PLA2G5: variants seen among roughly 807,000 people sequenced by gnomAD.
PLA2G5 encodes phospholipase A2 group V.
Under a neutral mutation model 15.9 loss-of-function variants are expected in PLA2G5, and 12 were observed. The observed-to-expected ratio is 0.76, with a 90% CI of 0.48 to 1.23. PLA2G5 has a LOEUF of 1.23. Among genes scored for constraint, PLA2G5 ranks in the 50% most tolerant of loss-of-function variants. PLA2G5 has a pLI of 0.00. For synonymous variants in PLA2G5, 71 were observed against 71.4 expected (o/e 0.99, Z 0.03); for missense variants, 169 against 177.1 (o/e 0.95, Z 0.26).
At chr1:20,032,628 GC>G (rs2100273870) in intron 1 of PLA2G5, among the ~76,000 whole-genome samples, 1 of 151,964 alleles carries the variant, frequency 6.6e-6, no homozygotes, top group South Asian at 2.1e-4. Flanking sequence ...ATAAGAGTTG[GC>G]ATAGGGGGCG....
intron 3 of PLA2G5, among the ~76,000 whole-genome samples, 158 bp from the exon 4 acceptor site, chr1:20,089,631 C>G (rs567523276): frequency 6.6e-6 from 1 of 152,156 alleles, no homozygotes; most frequent in Non-Finnish European, 1.5e-5. Flanking sequence ...AAATGAGGAG[C>G]AGGAAATTAC....
upstream of PLA2G5, chr1:20,069,163 G>A (rs150849422): frequency 1.2e-3 from 491 of 401,336 alleles, 2 homozygotes; most frequent in African/African-American, 8.6e-3. Flanking sequence ...CTATGGTGCC[G>A]CTAGGAATGT....
In PLA2G5 at chr1:20,031,444, C is replaced by T. The variant is rs986206432; in HGVS notation, n.276+2735C>T. On this transcript the variant is annotated intron_variant and non_coding_transcript_variant, in intron 1 of 6. Coordinates refer to the PLA2G5 transcript ENST00000460175. Reference sequence around the variant, plus strand: ...AGTGGGAGAGAAATTTTGGAAGATACCCTGCAGCCATAGCTCCTGGATTAG... The same window carrying T: ...AGTGGGAGAGAAATTTTGGAAGATATCCTGCAGCCATAGCTCCTGGATTAG... Among the ~76,000 whole-genome samples the T allele has an allele frequency of 5.3e-5, 8 of 152,074 alleles. No homozygotes were observed. The South Asian group carries it at 1.7e-3, about 32-fold the overall frequency.
chr1:20,046,629 T>C (rs550671931), intron 1 of PLA2G5, among the ~76,000 whole-genome samples: 1 of 152,306 alleles, frequency 6.6e-6, no homozygotes, highest in African/African-American at 2.4e-5. Flanking sequence ...TCGAGAGTCA[T>C]GGGCAGATTC....
rs375192388 is a variant in PLA2G5, at chr1:20,049,002, G to A, written n.277-10630G>A. ...TTAAAAATGTTGAACAATTTTTGTC[G>A]AATTCAAAGCTTATTTAAAGGTTAT... On this transcript the variant is annotated intron_variant and non_coding_transcript_variant, in intron 1 of 6. Transcript: ENST00000460175. 3.4e-4 allele frequency among the ~76,000 whole-genome samples: 51 copies of A among 151,988 alleles called. 2 individuals carry two copies. The South Asian group carries it at 6.2e-3, about 19-fold the overall frequency.
chr1:20,067,988 A>G (rs188518976), upstream of PLA2G5, among the ~76,000 whole-genome samples: 2 of 152,036 alleles, frequency 1.3e-5, no homozygotes, highest in East Asian at 3.9e-4. Flanking sequence ...GCATGGTGAC[A>G]GGCCCCCGTA....
At chr1:20,060,770 T>G (rs1298755433) in intron 2 of PLA2G5, among the ~76,000 whole-genome samples, 1 of 151,228 alleles carries the variant, frequency 6.6e-6, no homozygotes, top group East Asian at 2.0e-4. Flanking sequence ...GTTTTGGTCT[T>G]GTTGCCCAGG....
At chr1:20,069,831 A>G (rs2015252673), upstream of PLA2G5, among the ~76,000 whole-genome samples, 1 of 152,202 alleles carries the variant, frequency 6.6e-6, no homozygotes, top group African/African-American at 2.4e-5. Flanking sequence ...AATTGGATAT[A>G]AAAACCATTA....
At chr1:20,056,353 C>G (rs1315387218) in intron 1 of PLA2G5, among the ~76,000 whole-genome samples, 1 of 151,896 alleles carries the variant, frequency 6.6e-6, no homozygotes, top group Non-Finnish European at 1.5e-5. Context: ...CCCCCCTATC[C>G]TAGGCTCAGT....
In PLA2G5 at chr1:20,086,221, C is replaced by T. The variant is rs986005800; in HGVS notation, c.179C>T (p.Thr60Ile). 6.2e-7 allele frequency: 1 copy of T among 1,614,082 alleles called. No homozygotes were observed. Among genetic ancestry groups the T allele is most frequent in the African/African-American group, 1.3e-5 (1 of 75,038 alleles). ...GGCCGAGGAACCCCCAAGGATGGCACCGATTGGTGAGCTGATCGCTATAAC... is the reference window on the plus strand; with the variant it reads ...GGCCGAGGAACCCCCAAGGATGGCATCGATTGGTGAGCTGATCGCTATAAC... ...WGGRGTPKDG[T>I]DWCCWAHDHC... The change falls in exon 3 of 5, where the codon ACC becomes ATC. Residue 60 changes from threonine to isoleucine, a missense_variant. Thr to Ile is a moderately conservative substitution (Grantham distance 89, BLOSUM62 -1). Transcript: ENST00000375108.
upstream of PLA2G5, among the ~76,000 whole-genome samples, chr1:20,068,116 C>T (rs1557740682): frequency 6.6e-6 from 1 of 151,588 alleles, no homozygotes; most frequent in Non-Finnish European, 1.5e-5. Context: ...GAGACTCCGT[C>T]TCAAAAAAAA....
rs537771779 is a variant in PLA2G5, at chr1:20,070,276, G to A, written c.-200G>A. 6 of 985,308 alleles carry A rather than the reference G, an allele frequency of 6.1e-6. No individual in the cohort carries two copies. The highest frequency in any genetic ancestry group is 1.1e-4 in the East Asian group (1 of 8,804). The allele number at this position is 985,308 out of a possible 1,614,324, so 61.0% of individuals were successfully genotyped here. A position where few individuals can be genotyped will look rare whatever the true frequency, so the allele number is the denominator to read the frequency against. On this transcript the variant is annotated 5_prime_UTR_variant, in exon 1 of 5. Coordinates refer to ENST00000375108, the MANE Select transcript of PLA2G5 (RefSeq NM_000929.3). Reference sequence around the variant, plus strand: ...CACCTCCGGGTTTGTCCTCATCATCGGTCACTCCCATTCACAGCTTTAAGA... The same window carrying A: ...CACCTCCGGGTTTGTCCTCATCATCAGTCACTCCCATTCACAGCTTTAAGA...
chr1:20,055,710 C>T (rs2014398773), intron 1 of PLA2G5, among the ~76,000 whole-genome samples: 1 of 152,204 alleles, frequency 6.6e-6, no homozygotes, highest in African/African-American at 2.4e-5. Context: ...TTGGTTGTCT[C>T]ACTCTGTCTT....
chr1:20,044,423 A>G (rs1425076350), intron 1 of PLA2G5, among the ~76,000 whole-genome samples: 1 of 151,940 alleles, frequency 6.6e-6, no homozygotes, highest in Non-Finnish European at 1.5e-5. Flanking sequence ...TAATGTCTGG[A>G]GCAGATTAGG....
At chr1:20,055,772 C>T (rs1288429865) in intron 1 of PLA2G5, among the ~76,000 whole-genome samples, 1 of 152,140 alleles carries the variant, frequency 6.6e-6, no homozygotes, top group Non-Finnish European at 1.5e-5. Context: ...GTCTATTTCC[C>T]ATAATAAATC....
intron 1 of PLA2G5, among the ~76,000 whole-genome samples, chr1:20,053,796 T>C (rs928936578): frequency 2.0e-5 from 3 of 152,218 alleles, no homozygotes; most frequent in African/African-American, 7.2e-5. Flanking sequence ...TGTTGACATA[T>C]TATCAAACAA....
At chr1:20,061,913 T>G (rs879263701) in intron 2 of PLA2G5, among the ~76,000 whole-genome samples, 10 of 152,218 alleles carry the variant, frequency 6.6e-5, no homozygotes, top group Non-Finnish European at 1.0e-4. Context: ...CATGTTGAAA[T>G]GTAATTCCCA....
intron 1 of PLA2G5, among the ~76,000 whole-genome samples, chr1:20,054,636 C>T (rs759030115): frequency 2.0e-5 from 3 of 151,556 alleles, no homozygotes; most frequent in Non-Finnish European, 4.4e-5. Context: ...GGGTCTAAGC[C>T]CCTCTTTCAT....
At chr1:20,045,324 G>A (rs148632395) in intron 1 of PLA2G5, among the ~76,000 whole-genome samples, 1 of 152,032 alleles carries the variant, frequency 6.6e-6, no homozygotes, top group Non-Finnish European at 1.5e-5. Flanking sequence ...TGGGGAGGTG[G>A]TGCTTGCTAC....
Sources: allele counts gnomAD v4.1 joint callset (sites outside exome capture counted in the v4.1 genomes callset), GRCh38; gene constraint gnomAD v4.1.1; transcripts MANE v1.5; gene names NCBI Gene and HGNC (gene_info 2026-07-23, HGNC 2026-07-21).